The following C18orf63 variants were observed in gnomAD, a reference collection of about 807,000 sequenced individuals.
C18orf63 encodes the protein uncharacterized protein C18orf63.
C18orf63 carries 50 observed loss-of-function variants against 75.3 expected under a neutral mutation model. The ratio of observed to expected loss-of-function variants is 0.66; its 90% CI spans 0.53 to 0.84. The LOEUF is 0.84. Ranked by LOEUF, C18orf63 falls within the 40% of genes least tolerant of loss-of-function variation. The pLI, the probability that C18orf63 is intolerant of heterozygous loss-of-function variation, is 0.00. For synonymous variants in C18orf63, 232 were observed against 267.6 expected, an observed-to-expected ratio of 0.87 and a Z score of 1.30; for missense variants, 732 against 800.2, an observed-to-expected ratio of 0.91 and a Z score of 1.03.
chr18:74,334,543 TG>T (rs1414434271), intron 7 of C18orf63, among the ~76,000 whole-genome samples: 1 of 152,158 alleles, frequency 6.6e-6, no homozygotes, highest in African/African-American at 2.4e-5. Context: ...GTTTGTTTTT[TG>T]TTTTTGTGTG....
chr18:74,322,046 A>T (rs1199518276), intron 3 of C18orf63, among the ~76,000 whole-genome samples: 1 of 152,220 alleles, frequency 6.6e-6, no homozygotes, highest in Non-Finnish European at 1.5e-5. Flanking sequence ...CTGTGCTCTT[A>T]CAGTGTTTCA....
chr18:74,338,665 C>T (rs1183921651), intron 7 of C18orf63, 50 bp from the exon 8 acceptor site: 5 of 774,564 alleles, frequency 6.5e-6, no homozygotes, highest in East Asian at 3.1e-5. Flanking sequence ...AAAATGTTTC[C>T]TTTTTTGCCA....
chr18:74,341,956 T>C (rs1984495567), intron 8 of C18orf63, 76 bp from the exon 9 acceptor site: 1 of 730,038 alleles, frequency 1.4e-6, no homozygotes, highest in East Asian at 2.7e-5. Context: ...TTTTGAACAC[T>C]TTCTAAATCA....
At chr18:74,338,273 G>A (rs1018889476) in intron 7 of C18orf63, among the ~76,000 whole-genome samples, 3 of 152,074 alleles carry the variant, frequency 2.0e-5, no homozygotes, top group Non-Finnish European at 4.4e-5. Context: ...GGAGACTGGA[G>A]CATTGGCTCT....
chr18:74,338,113 T>C (rs561372433), intron 7 of C18orf63, among the ~76,000 whole-genome samples: 23 of 152,256 alleles, frequency 1.5e-4, no homozygotes, highest in African/African-American at 5.1e-4. Flanking sequence ...TTTGGCTAAC[T>C]GGAACAGTGC....
chr18:74,328,459 G>A (rs1295324251), intron 5 of C18orf63, among the ~76,000 whole-genome samples: 2 of 152,242 alleles, frequency 1.3e-5, no homozygotes, highest in African/African-American at 4.8e-5. Context: ...TGGGGACACA[G>A]CCAAACCATA....
intron 13 of C18orf63, 83 bp from the exon 14 acceptor site, chr18:74,356,398 A>G (rs1173093221): frequency 6.6e-6 from 1 of 152,646 alleles, no homozygotes; most frequent in Non-Finnish European, 1.5e-5. Flanking sequence ...CTAAATATAA[A>G]ATTAATACAT....
At chr18:74,341,646 C>T (rs922748181) in intron 8 of C18orf63, among the ~76,000 whole-genome samples, 1 of 152,078 alleles carries the variant, frequency 6.6e-6, no homozygotes. Flanking sequence ...GAGATCGCAC[C>T]ACTGCCCTCC....
Position 74,353,583 on chromosome 18 carries a change from T to A in C18orf63, c.1316T>A (p.Phe439Tyr). 6.5e-7 allele frequency: 1 copy of A among 1,536,410 alleles called. No homozygotes were observed. Among genetic ancestry groups the A allele is most frequent in the Non-Finnish European group, 8.7e-7 (1 of 1,146,940 alleles). The change falls in exon 12 of 14, where the codon TTC becomes TAC. Residue 439 changes from phenylalanine (F) to tyrosine (Y), a missense_variant. Transcript: ENST00000579455. ...ATCACCCCTAAGTTTGTACCAGTTT[T>A]CAAAAATAGATTGTTACAAATGAAC... ...SNITPKFVPV[F>Y]KNRLLQMNKN...
intron 4 of C18orf63, among the ~76,000 whole-genome samples, chr18:74,323,631 G>A (rs1052249507): frequency 1.3e-5 from 2 of 152,174 alleles, no homozygotes; most frequent in African/African-American, 4.8e-5. Flanking sequence ...CTAGAACTAG[G>A]ACTTGGGTCT....
intron 4 of C18orf63, among the ~76,000 whole-genome samples, chr18:74,326,325 C>T (rs951516829): frequency 6.6e-6 from 1 of 152,178 alleles, no homozygotes; most frequent in African/African-American, 2.4e-5. Context: ...TTCTGCATGT[C>T]CTTTTTCACA....
chr18:74,353,179 T>G, intron 11 of C18orf63, 67 bp from the exon 12 acceptor site: 1 of 1,014,858 alleles, frequency 9.9e-7, no homozygotes, highest in Non-Finnish European at 1.4e-6. Flanking sequence ...TACTTTATAT[T>G]TTATTTCTTT....
intron 7 of C18orf63, among the ~76,000 whole-genome samples, chr18:74,338,239 T>C (rs1984423797): frequency 6.6e-6 from 1 of 152,070 alleles, no homozygotes; most frequent in Non-Finnish European, 1.5e-5. Flanking sequence ...GAAAGTGTTC[T>C]AGGAAGCTGG....
At chr18:74,330,608 T>A (rs1235072575) in intron 6 of C18orf63, among the ~76,000 whole-genome samples, 2 of 151,790 alleles carry the variant, frequency 1.3e-5, no homozygotes, top group African/African-American at 4.8e-5. Flanking sequence ...GGGTGTCTCA[T>A]TTTTTTTATT....
At position 74,357,521 on chromosome 18, in the gene C18orf63, TAAAAGAAACC is replaced by T. The variant is rs1361407153; in HGVS notation, c.*1079_*1088del. The T allele has an allele frequency of 6.6e-5, 10 of 152,346 alleles. No homozygotes were observed. Among genetic ancestry groups the T allele is most frequent in the South Asian group, 2.1e-4 (1 of 4,830 alleles). 9.4% of individuals were successfully genotyped at this position (152,346 alleles called of 1,614,324 possible). ...TATTATATAATTGTTGTAATATATTTAAAAGAAACCAAAATCTTCATTGGCTATTCCACTG... is the reference window on the plus strand; with the variant it reads ...TATTATATAATTGTTGTAATATATTTAAAATCTTCATTGGCTATTCCACTG... On this transcript the variant is annotated 3_prime_UTR_variant, in exon 14 of 14. Transcript: ENST00000579455.
rs1177847800 is a variant in C18orf63, at chr18:74,357,547, T to C, written c.*1100T>C. On this transcript the variant is annotated 3_prime_UTR_variant, in exon 14 of 14. Coordinates refer to ENST00000579455, the MANE Select transcript of C18orf63 (RefSeq NM_001174123.2). ...AAAAGAAACCAAAATCTTCATTGGC[T>C]ATTCCACTGAAACAATAATTACATA... 1 of 152,234 alleles carries C rather than the reference T, an allele frequency of 6.6e-6. No homozygotes were observed. Among genetic ancestry groups the C allele is most frequent in the African/African-American group, 2.4e-5 (1 of 41,464 alleles). The allele number at this position is 152,234 out of a possible 1,614,324, so 9.4% of individuals were successfully genotyped here. A position where few individuals can be genotyped will look rare whatever the true frequency, so the allele number is the denominator to read the frequency against.
At chr18:74,324,720 C>G (rs1984180192) in intron 4 of C18orf63, among the ~76,000 whole-genome samples, 1 of 152,120 alleles carries the variant, frequency 6.6e-6, no homozygotes, top group East Asian at 1.9e-4. Context: ...TATATTTTTC[C>G]TCCACCTTGT....
intron 4 of C18orf63, among the ~76,000 whole-genome samples, chr18:74,325,500 G>T (rs1337127842): frequency 6.6e-6 from 1 of 152,160 alleles, no homozygotes; most frequent in Non-Finnish European, 1.5e-5. Context: ...AGTATTCTAT[G>T]AATGTGTCAT....
At chr18:74,350,156 T>C (rs943672438) in intron 11 of C18orf63, among the ~76,000 whole-genome samples, 3 of 152,132 alleles carry the variant, frequency 2.0e-5, no homozygotes, top group Non-Finnish European at 4.4e-5. Context: ...ATATGGTATC[T>C]CAACAGAGAT....
Sources: allele counts gnomAD v4.1 joint callset (sites outside exome capture counted in the v4.1 genomes callset), GRCh38; gene constraint gnomAD v4.1.1; transcripts MANE v1.5; gene names NCBI Gene and HGNC (gene_info 2026-07-23, HGNC 2026-07-21).